CAMSAP2: variants seen among roughly 807,000 people sequenced by gnomAD.
CAMSAP2 encodes the protein calmodulin-regulated spectrin-associated protein 2.
CAMSAP2 carries 26 observed loss-of-function variants against 146.1 expected under a neutral mutation model. The ratio of observed to expected loss-of-function variants is 0.18; its 90% CI spans 0.13 to 0.25. The LOEUF (loss-of-function observed/expected upper bound fraction) is 0.25, where lower values mean the gene tolerates loss of function less well. CAMSAP2 is among the 10% of genes least tolerant of loss of function. CAMSAP2 has a pLI of 1.00. For synonymous variants in CAMSAP2, 499 were observed against 596.6 expected, an observed-to-expected ratio of 0.84 and a Z score of 2.38; for missense variants, 1,381 against 1,759.3, an observed-to-expected ratio of 0.78 and a Z score of 3.85.
intron 1 of CAMSAP2, among the ~76,000 whole-genome samples, chr1:200,743,940 CAATAAATAAATAAATAAATAAATA>C (rs57009637): frequency 6.8e-6 from 1 of 147,648 alleles, no homozygotes; most frequent in African/African-American, 2.5e-5. Context: ...GACTCTGTCT[CAATAAATAAATAAATAAATAAATA>C]AATAAATAAA....
intron 1 of CAMSAP2, among the ~76,000 whole-genome samples, chr1:200,755,525 C>A (rs1372851420): frequency 6.6e-6 from 1 of 152,138 alleles, no homozygotes; most frequent in Non-Finnish European, 1.5e-5. Flanking sequence ...AGAAGAGGTG[C>A]TTTGGCCTTA....
At chr1:200,749,200 G>A (rs997414399) in intron 1 of CAMSAP2, among the ~76,000 whole-genome samples, 3 of 152,150 alleles carry the variant, frequency 2.0e-5, no homozygotes, top group Admixed American at 6.6e-5. Context: ...TGATAGTGTG[G>A]TCACCAGGAC....
chr1:200,831,903 A>C (rs999021505), intron 4 of CAMSAP2, among the ~76,000 whole-genome samples: 1 of 152,150 alleles, frequency 6.6e-6, no homozygotes, highest in Admixed American at 6.6e-5. Flanking sequence ...ATTTGGATAC[A>C]AAGTGTTCAA....
intron 4 of CAMSAP2, among the ~76,000 whole-genome samples, chr1:200,825,911 C>A (rs563611056): frequency 6.6e-6 from 1 of 152,270 alleles, no homozygotes; most frequent in African/African-American, 2.4e-5. Context: ...CAGTATCTTG[C>A]TATTGCAAAT....
Position 200,854,848 on chromosome 1 carries a change from G to C in CAMSAP2, c.3855G>C (p.Thr1285=). The C allele has an allele frequency of 1.9e-6, 3 of 1,611,750 alleles. No individual in the cohort carries two copies. The highest frequency in any genetic ancestry group is 2.5e-6 in the Non-Finnish European group (3 of 1,178,890). ...VSSLSLASLN[T]GDNESVHSGK... ...GCCTTTCTTTGGCATCGCTGAACAC[G>C]GGTGATAACGAGAGTGTACATTCAG... Residue 1285 remains threonine (T), a synonymous_variant, in exon 14 of 17, where the codon ACG becomes ACC. Coordinates refer to ENST00000358823, the MANE Select transcript of CAMSAP2 (RefSeq NM_203459.4).
chr1:200,844,824 C>A lies in CAMSAP2; in HGVS notation c.1064C>A (p.Ala355Asp), dbSNP rs766011065. Residue 355 changes from alanine to aspartate, a missense_variant, in exon 8 of 17, where the codon GCT becomes GAT. Transcript: ENST00000358823. The part of the protein sequence containing the change: ...KDMPSIPVLN[A>D]AKRNVLDSSS... ...ATGCCTTCAATTCCTGTCTTGAATGCTGCCAAAAGAAATGTCTTAGATAGT... is the reference window on the plus strand; with the variant it reads ...ATGCCTTCAATTCCTGTCTTGAATGATGCCAAAAGAAATGTCTTAGATAGT... 1.9e-6 allele frequency: 3 copies of A among 1,595,336 alleles called. No individual in the cohort carries two copies. The South Asian group carries it at 3.5e-5, about 18-fold the overall frequency.
At chr1:200,779,310 G>A (rs996016791) in intron 2 of CAMSAP2, among the ~76,000 whole-genome samples, 4 of 152,080 alleles carry the variant, frequency 2.6e-5, no homozygotes, top group Admixed American at 6.6e-5. Context: ...AGATAGAAAA[G>A]ACTATGTAAC....
At chr1:200,841,909 T>C (rs978635053) in intron 6 of CAMSAP2, 85 bp from the exon 7 acceptor site, 2 of 966,224 alleles carry the variant, frequency 2.1e-6, no homozygotes, top group Non-Finnish European at 3.3e-6. Context: ...ATGAATGAGA[T>C]TTAAACCTAT....
At position 200,807,444 on chromosome 1, in the gene CAMSAP2, A is replaced by G. The variant is rs758341951; in HGVS notation, c.468A>G (p.Lys156=). 1.3e-6 allele frequency: 2 copies of G among 1,600,002 alleles called. No individual in the cohort carries two copies. Among genetic ancestry groups the G allele is most frequent in the South Asian group, 1.1e-5 (1 of 90,722 alleles). Residue 156 remains lysine, a synonymous_variant, in exon 3 of 17, where the codon AAA becomes AAG. Coordinates refer to ENST00000358823, the MANE Select transcript of CAMSAP2 (RefSeq NM_203459.4). ...AYTVEMVSIE[K]VIACAQQYSA... Reference sequence around the variant, plus strand: ...CTGTAGAAATGGTCAGTATAGAAAAAGTAATTGCGTGTGCTCAGCAGTATT... The same window carrying G: ...CTGTAGAAATGGTCAGTATAGAAAAGGTAATTGCGTGTGCTCAGCAGTATT...
intron 1 of CAMSAP2, among the ~76,000 whole-genome samples, chr1:200,741,323 A>G (rs994752672): frequency 6.6e-6 from 1 of 152,258 alleles, no homozygotes; most frequent in African/African-American, 2.4e-5. Flanking sequence ...TCTCTTTGAA[A>G]TTGAATGTCT....
rs1450030125 is a variant in CAMSAP2 at position 200,853,039 on chromosome 1, TTA to T, written c.3603-234_3603-233del. On this transcript the variant is annotated intron_variant, in intron 12 of 16. Coordinates refer to ENST00000358823, the MANE Select transcript of CAMSAP2 (RefSeq NM_203459.4). This position sits in a 1 kb window ranked among gnomAD's most constrained non-coding sequence, Gnocchi z 5.1. ...CACACACACACACACACGACCTAAA[TTA>T]TCTCAAATACCTTTATTTTTATTTA... Among the ~76,000 whole-genome samples, 1 of 151,344 alleles carries T rather than the reference TTA, an allele frequency of 6.6e-6. No individual in the cohort carries two copies. The highest frequency in any genetic ancestry group is 1.5e-5 in the Non-Finnish European group (1 of 67,816).
chr1:200,827,639 T>G (rs1666937638), intron 4 of CAMSAP2, among the ~76,000 whole-genome samples: 1 of 152,174 alleles, frequency 6.6e-6, no homozygotes, highest in Non-Finnish European at 1.5e-5. Flanking sequence ...TCAGGTGACA[T>G]TTTTCTAATT....
intron 1 of CAMSAP2, among the ~76,000 whole-genome samples, chr1:200,759,809 A>G (rs1020546920): frequency 3.9e-5 from 6 of 152,334 alleles, no homozygotes; most frequent in East Asian, 3.9e-4. Flanking sequence ...TCTGGGGGAC[A>G]TACCTCATCC....
intron 2 of CAMSAP2, among the ~76,000 whole-genome samples, chr1:200,783,157 C>G (rs1308175542): frequency 6.6e-6 from 1 of 152,164 alleles, no homozygotes; most frequent in African/African-American, 2.4e-5. Context: ...ATTTCACCAC[C>G]AGCAATGTCT....
At chr1:200,765,117 AAAC>A (rs1664909608) in intron 2 of CAMSAP2, among the ~76,000 whole-genome samples, 2 of 152,132 alleles carry the variant, frequency 1.3e-5, no homozygotes, top group Non-Finnish European at 2.9e-5. Context: ...AAAAACAAAA[AAAC>A]AAAAAAACTC....
chr1:200,761,625 C>T (rs1664804179), intron 2 of CAMSAP2, among the ~76,000 whole-genome samples: 1 of 151,698 alleles, frequency 6.6e-6, no homozygotes, highest in South Asian at 2.1e-4. Context: ...ATCCCAGTTA[C>T]TTGGGAGGCT....
At position 200,842,784 on chromosome 1, in the gene CAMSAP2, TG is replaced by T. The variant is rs1433739553; in HGVS notation, c.1021+700del. Among the ~76,000 whole-genome samples the T allele has an allele frequency of 4.6e-5, 7 of 152,166 alleles. No individual in the cohort carries two copies. In the South Asian group the frequency reaches 8.3e-4, roughly 18 times the overall value. On this transcript the variant is annotated intron_variant, in intron 7 of 16. Coordinates refer to ENST00000358823, the MANE Select transcript of CAMSAP2 (RefSeq NM_203459.4). ...TGAGGTCAGGAGTTTGAAACCAGGC[TG>T]GGCAACATGGTGAAACCCTGTCTCT...
chr1:200,803,326 A>G (rs1243280217), intron 2 of CAMSAP2, among the ~76,000 whole-genome samples: 2 of 152,230 alleles, frequency 1.3e-5, no homozygotes, highest in African/African-American at 2.4e-5. Context: ...CATTAAATTA[A>G]TACAAATGCT....
chr1:200,752,461 C>A (rs1179285821), intron 1 of CAMSAP2, among the ~76,000 whole-genome samples: 3 of 152,044 alleles, frequency 2.0e-5, no homozygotes, highest in Non-Finnish European at 4.4e-5. Context: ...TAGTAAAATT[C>A]ATAATTCATA....
Sources: gnomAD v4.1 joint callset for allele counts (sites outside exome capture counted in the v4.1 genomes callset) on GRCh38, gnomAD v4.1.1 for gene constraint, Gnocchi (gnomAD v3.1) non-coding constraint, MANE v1.5 for transcripts, NCBI Gene and HGNC (gene_info 2026-07-23, HGNC 2026-07-21) for gene names.